Variants in PAK4 observed in about 807,000 individuals in gnomAD.
PAK4 encodes the protein p21 (RAC1) activated kinase 4.
PAK4 carries 49 observed loss-of-function variants against 53.5 expected under a neutral mutation model. The ratio of observed to expected loss-of-function variants is 0.92; its 90% CI spans 0.73 to 1.16. The LOEUF (loss-of-function observed/expected upper bound fraction) is 1.16, where lower values mean the gene tolerates loss of function less well. PAK4 is among the 50% of genes most tolerant of loss of function. The probability of loss-of-function intolerance (pLI) is 0.00; values close to 1 mark genes in which losing one functional copy is unlikely to be tolerated. For synonymous variants in PAK4, 376 were observed against 375.6 expected, an observed-to-expected ratio of 1.00 and a Z score of -0.01; for missense variants, 824 against 850.7, an observed-to-expected ratio of 0.97 and a Z score of 0.39.
chr19:39,177,860 G>A, intron 8 of PAK4, 51 bp downstream of exon 9: 2 of 1,570,986 alleles, frequency 1.3e-6, no homozygotes, highest in Non-Finnish European at 1.7e-6. Flanking sequence ...GGGTGGCAGG[G>A]CTCCAGGTGG....
intron 1 of PAK4, among the ~76,000 whole-genome samples, chr19:39,140,721 G>A (rs2145145283): frequency 6.6e-6 from 1 of 152,300 alleles, no homozygotes; most frequent in African/African-American, 2.4e-5. Flanking sequence ...CCCCTCTCCA[G>A]CGAAGGGCTC....
intron 1 of PAK4, among the ~76,000 whole-genome samples, chr19:39,128,715 A>AC (rs543267170): frequency 4.0e-5 from 6 of 150,052 alleles, no homozygotes; most frequent in East Asian, 2.0e-4. Context: ...TCTCCTCCTC[A>AC]CCCCCCCTCC....
chr19:39,135,154 T>A (rs1431171950), intron 1 of PAK4: 2 of 152,024 alleles, frequency 1.3e-5, no homozygotes, highest in Non-Finnish European at 2.9e-5. Context: ...CACCAACATT[T>A]GGTACCGTCA....
chr19:39,162,547 C>T (rs2074301977), intron 1 of PAK4, among the ~76,000 whole-genome samples: 3 of 152,208 alleles, frequency 2.0e-5, no homozygotes, highest in Admixed American at 2.0e-4. Flanking sequence ...GGATTACAGG[C>T]GTGAACCACC....
In PAK4 at chr19:39,143,844, T is replaced by G. The variant is rs180779127; in HGVS notation, c.-23+17925T>G. 5.1e-3 allele frequency among the ~76,000 whole-genome samples: 777 copies of G among 152,130 alleles called. 9 individuals are homozygous for G. Among genetic ancestry groups the G allele is most frequent in the African/African-American group, 0.018 (731 of 41,466 alleles). The stretch of plus-strand genomic sequence containing the variant: ...AAATGTAAAAGGGCGTGGTGGCATG[T>G]GCCTGTGGTCCTAGCTACTCAGGAG... On this transcript the variant is annotated intron_variant, in intron 1 of 8. Coordinates refer to ENST00000358301, the Ensembl canonical transcript of PAK4.
rs1158690270 is a variant in PAK4 at position 39,126,160 on chromosome 19, C to T, written c.-23+241C>T. Reference sequence around the variant, plus strand: ...AAGTTTGAAATTCGAAGTGGGGGCGCGTTCGAGGGGTTCTGGGCGAGTCTC... The same window carrying T: ...AAGTTTGAAATTCGAAGTGGGGGCGTGTTCGAGGGGTTCTGGGCGAGTCTC... On this transcript the variant is annotated intron_variant, in intron 1 of 8. Transcript: ENST00000358301. 2.0e-5 allele frequency among the ~76,000 whole-genome samples: 3 copies of T among 151,758 alleles called. No individual in the cohort carries two copies. In the East Asian group the frequency reaches 5.8e-4, roughly 29 times the overall value.
chr19:39,164,665 G>A (rs963465064), intron 1 of PAK4, among the ~76,000 whole-genome samples: 3 of 152,158 alleles, frequency 2.0e-5, no homozygotes, highest in Non-Finnish European at 4.4e-5. Flanking sequence ...GTTTAAGGCT[G>A]TGAACTCTGG....
intron 1 of PAK4, among the ~76,000 whole-genome samples, chr19:39,144,117 T>TAGATAGAC (rs1241014432): frequency 1.5e-4 from 19 of 124,566 alleles, no homozygotes; most frequent in African/African-American, 4.3e-4. Context: ...GATAGATAGA[T>TAGATAGAC]AGACAGACAG....
chr19:39,173,750 G>A lies in PAK4; in HGVS notation c.838G>A (p.Ala280Thr), dbSNP rs769173911. 2.0e-5 allele frequency: 31 copies of A among 1,579,796 alleles called. No individual in the cohort carries two copies. The highest frequency in any genetic ancestry group is 5.7e-5 in the South Asian group (5 of 87,916). The change falls in exon 4 of 9, where the codon GCC becomes ACC. Residue 280 changes from alanine (A) to threonine (T), a missense_variant. Around this residue, in one of 2 missense-constraint regions of PAK4, gnomAD observed 478 missense variants for 435.8 expected, o/e 1.10. Coordinates refer to ENST00000358301, the Ensembl canonical transcript of PAK4. The surrounding 1 kb of genome is among the most constrained non-coding windows in gnomAD (Gnocchi z 6.9). ...GGCCCCTCCAGCCTGCACCCCCGCC[G>A]CCCCTGCTGTTCCTGGGCCCCCTGG...
At chr19:39,154,672 C>G (rs895035616) in intron 1 of PAK4, among the ~76,000 whole-genome samples, 3 of 152,176 alleles carry the variant, frequency 2.0e-5, no homozygotes, top group Non-Finnish European at 4.4e-5. Flanking sequence ...CATTGGGGAC[C>G]TCGTTTCCTG....
chr19:39,162,507 A>G (rs1192364930), intron 1 of PAK4, among the ~76,000 whole-genome samples: 2 of 152,012 alleles, frequency 1.3e-5, no homozygotes, highest in East Asian at 1.9e-4. Flanking sequence ...GGCTCAAGCG[A>G]TCCTCCCTCC....
chr19:39,128,479 G>C (rs578133648), intron 1 of PAK4, among the ~76,000 whole-genome samples: 1 of 152,190 alleles, frequency 6.6e-6, no homozygotes, highest in Non-Finnish European at 1.5e-5. Context: ...AGCATCTCAG[G>C]GTTTGGCACA....
chr19:39,166,225 G>C (rs568210065), intron 1 of PAK4, among the ~76,000 whole-genome samples: 3 of 152,316 alleles, frequency 2.0e-5, no homozygotes, highest in African/African-American at 7.2e-5. Flanking sequence ...GGGAAGCCAA[G>C]GCAGATCACT....
chr19:39,173,016 G>T lies in PAK4; in HGVS notation c.303G>T (p.Arg101=). The T allele has an allele frequency of 6.5e-7, 1 of 1,549,656 alleles. No homozygotes were observed. ...CGGTGACACGCTCCAACTCCCTGCGGAGAGACAGCCCGCCGCCGCCCGCCC... is the reference window on the plus strand; with the variant it reads ...CGGTGACACGCTCCAACTCCCTGCGTAGAGACAGCCCGCCGCCGCCCGCCC... The change falls in exon 3 of 9, where the codon CGG becomes CGT. Residue 101 remains arginine (R), a synonymous_variant. Coordinates refer to ENST00000358301, the Ensembl canonical transcript of PAK4. This position sits in a 1 kb window ranked among gnomAD's most constrained non-coding sequence, Gnocchi z 6.9.
At chr19:39,167,622 C>G (rs115055624) in intron 1 of PAK4, among the ~76,000 whole-genome samples, 10 of 152,162 alleles carry the variant, frequency 6.6e-5, no homozygotes, top group African/African-American at 2.4e-4. Flanking sequence ...TGGCCAGGCC[C>G]GGCTCTGACC....
At chr19:39,147,435 A>G (rs1171363034) in intron 1 of PAK4, among the ~76,000 whole-genome samples, 1 of 152,144 alleles carries the variant, frequency 6.6e-6, no homozygotes, top group African/African-American at 2.4e-5. Flanking sequence ...TTTTTTGGCT[A>G]TTACAGACAA....
chr19:39,158,080 G>A (rs2074217453), intron 1 of PAK4, among the ~76,000 whole-genome samples: 1 of 151,942 alleles, frequency 6.6e-6, no homozygotes. Context: ...GCATGCATGT[G>A]TGTGTGTGCA....
chr19:39,167,709 CCAAACCGG>C (rs1178203108), intron 1 of PAK4, among the ~76,000 whole-genome samples: 3 of 152,114 alleles, frequency 2.0e-5, no homozygotes, highest in African/African-American at 7.2e-5. Context: ...GCTCCCGCTG[CCAAACCGG>C]TTCCCCTGGC....
chr19:39,143,219 G>C (rs2073938361), intron 1 of PAK4, among the ~76,000 whole-genome samples: 1 of 150,878 alleles, frequency 6.6e-6, no homozygotes, highest in African/African-American at 2.4e-5. Flanking sequence ...CTGTGTCCCT[G>C]GTGCCTAGAA....
Sources: allele counts gnomAD v4.1 joint callset (sites outside exome capture counted in the v4.1 genomes callset), GRCh38; gene constraint gnomAD v4.1.1; regional missense constraint gnomAD v4.1.1; non-coding constraint Gnocchi (gnomAD v3.1); transcripts MANE v1.5; gene names NCBI Gene and HGNC (gene_info 2026-07-23, HGNC 2026-07-21).